Variants in CCSER1 observed in about 807,000 individuals in gnomAD.
CCSER1 encodes coiled-coil serine rich protein 1, also known as serine-rich coiled-coil domain-containing protein 1.
In CCSER1, 41 loss-of-function variants were observed where a neutral mutation model predicts 82.0. That is an observed-to-expected ratio of 0.50 (90% CI 0.39 to 0.65). The LOEUF (loss-of-function observed/expected upper bound fraction) is 0.65. Among genes scored for constraint, CCSER1 ranks in the 30% least tolerant of loss-of-function variants. CCSER1 has a pLI of 0.00. For synonymous variants in CCSER1, 414 were observed against 383.9 expected, an observed-to-expected ratio of 1.08 and a Z score of -0.92; for missense variants, 1,119 against 1,064.2, an observed-to-expected ratio of 1.05 and a Z score of -0.72.
intron 10 of CCSER1, among the ~76,000 whole-genome samples, chr4:91,113,748 A>G (rs1726288227): frequency 6.6e-6 from 1 of 152,254 alleles, no homozygotes; most frequent in Admixed American, 6.5e-5. Flanking sequence ...TTTATCATTC[A>G]TAGAAATCTT....
intron 10 of CCSER1, among the ~76,000 whole-genome samples, chr4:91,459,795 T>C (rs1578512058): frequency 6.6e-6 from 1 of 152,292 alleles, no homozygotes; most frequent in East Asian, 1.9e-4. Context: ...TCAGTATTTT[T>C]AACTTTGCAA....
chr4:90,557,822 C>A (rs1025372037), intron 5 of CCSER1, among the ~76,000 whole-genome samples: 2 of 152,160 alleles, frequency 1.3e-5, no homozygotes, highest in African/African-American at 2.4e-5. Context: ...TACATGTGGA[C>A]ATTTTAAACG....
At chr4:90,267,042 G>T (rs535551153) in intron 1 of CCSER1, among the ~76,000 whole-genome samples, 2 of 152,128 alleles carry the variant, frequency 1.3e-5, no homozygotes, top group South Asian at 2.1e-4. Context: ...AACTCTTGGG[G>T]TCCCCAATTT....
At chr4:90,527,341 A>G (rs1437788122) in intron 5 of CCSER1, among the ~76,000 whole-genome samples, 1 of 152,204 alleles carries the variant, frequency 6.6e-6, no homozygotes, top group Non-Finnish European at 1.5e-5. Flanking sequence ...AACATGTGAG[A>G]AAAAGCTCAT....
chr4:91,568,865 TA>T (rs1763026166), intron 10 of CCSER1, among the ~76,000 whole-genome samples: 1 of 152,140 alleles, frequency 6.6e-6, no homozygotes, highest in Non-Finnish European at 1.5e-5. Flanking sequence ...TCAGCCTGGT[TA>T]AAAAATCTTG....
chr4:91,132,407 C>T (rs1581615145), intron 10 of CCSER1, among the ~76,000 whole-genome samples: 1 of 152,154 alleles, frequency 6.6e-6, no homozygotes, highest in South Asian at 2.1e-4. Context: ...ATTAGGAAAT[C>T]GACACTGGGA....
intron 9 of CCSER1, among the ~76,000 whole-genome samples, chr4:90,973,972 T>C (rs1735363100): frequency 6.6e-6 from 1 of 151,490 alleles, no homozygotes; most frequent in Non-Finnish European, 1.5e-5. Flanking sequence ...GAAAGATAAA[T>C]ACTGCATGAT....
At chr4:90,265,989 G>C (rs553388459) in intron 1 of CCSER1, among the ~76,000 whole-genome samples, 2 of 152,058 alleles carry the variant, frequency 1.3e-5, no homozygotes. Flanking sequence ...CAGATATTTT[G>C]CAGCAAGATG....
At chr4:90,561,840 G>A (rs1778791351) in intron 5 of CCSER1, among the ~76,000 whole-genome samples, 1 of 152,020 alleles carries the variant, frequency 6.6e-6, no homozygotes, top group African/African-American at 2.4e-5. Flanking sequence ...TTTCAAAATT[G>A]GAAAATGATA....
intron 10 of CCSER1, among the ~76,000 whole-genome samples, chr4:91,155,665 C>T (rs1730741713): frequency 6.6e-6 from 1 of 151,888 alleles, no homozygotes; most frequent in African/African-American, 2.4e-5. Flanking sequence ...CTTGCTATAT[C>T]TTCACATATT....
intron 5 of CCSER1, among the ~76,000 whole-genome samples, chr4:90,574,394 A>C (rs916050966): frequency 6.7e-6 from 1 of 149,930 alleles, no homozygotes; most frequent in Non-Finnish European, 1.5e-5. Flanking sequence ...TCAGCCTCCC[A>C]AGTAGCTGGG....
At chr4:90,300,273 CAT>C (rs990638209) in intron 1 of CCSER1, among the ~76,000 whole-genome samples, 4 of 152,034 alleles carry the variant, frequency 2.6e-5, no homozygotes, top group Non-Finnish European at 4.4e-5. Context: ...GGTTGGGACA[CAT>C]GTTTTGTTAG....
At chr4:90,705,442 T>C (rs531257044) in intron 6 of CCSER1, among the ~76,000 whole-genome samples, 2 of 152,336 alleles carry the variant, frequency 1.3e-5, no homozygotes, top group African/African-American at 4.8e-5. Flanking sequence ...GAGGAGGCAG[T>C]CTGTCCATTC....
At chr4:91,184,265 G>T (rs576023966) in intron 10 of CCSER1, among the ~76,000 whole-genome samples, 1 of 152,346 alleles carries the variant, frequency 6.6e-6, no homozygotes, top group African/African-American at 2.4e-5. Context: ...AACATGCCCT[G>T]TGGCAACACT....
intron 3 of CCSER1, among the ~76,000 whole-genome samples, chr4:90,340,497 T>C (rs1018906554): frequency 1.3e-5 from 2 of 152,166 alleles, no homozygotes; most frequent in East Asian, 3.8e-4. Flanking sequence ...GTTTAAAACA[T>C]TTAAAAATCA....
At chr4:90,135,446 T>C (rs917161014) in intron 1 of CCSER1, among the ~76,000 whole-genome samples, 2 of 152,166 alleles carry the variant, frequency 1.3e-5, no homozygotes, top group Non-Finnish European at 2.9e-5. Flanking sequence ...TGAGCCATTT[T>C]ATCTGCCAGC....
intron 8 of CCSER1, among the ~76,000 whole-genome samples, chr4:90,849,860 A>C (rs1763653273): frequency 6.6e-6 from 1 of 151,966 alleles, no homozygotes; most frequent in Non-Finnish European, 1.5e-5. Context: ...AGAAATTTGC[A>C]TAAGGAGGTG....
At chr4:91,305,490 C>T (rs928121424) in intron 10 of CCSER1, among the ~76,000 whole-genome samples, 103 of 152,122 alleles carry the variant, frequency 6.8e-4, no homozygotes, top group African/African-American at 2.4e-3. Context: ...GACAACATTA[C>T]ATAGGAAAGG....
chr4:91,328,979 T>C (rs984478744), intron 10 of CCSER1, among the ~76,000 whole-genome samples: 4 of 148,892 alleles, frequency 2.7e-5, no homozygotes, highest in African/African-American at 5.1e-5. Flanking sequence ...ATGTAAGATG[T>C]GACTTTGCTC....
Sources: gnomAD v4.1 joint callset for allele counts (sites outside exome capture counted in the v4.1 genomes callset) on GRCh38, gnomAD v4.1.1 for gene constraint, MANE v1.5 for transcripts, NCBI Gene and HGNC (gene_info 2026-07-23, HGNC 2026-07-21) for gene names.